The following ARHGEF4 variants were observed in gnomAD, a reference collection of about 807,000 sequenced individuals.
ARHGEF4 encodes Rho guanine nucleotide exchange factor 4, also known as APC-stimulated guanine nucleotide exchange factor 1.
Under a neutral mutation model 162.0 loss-of-function variants are expected in ARHGEF4, and 119 were observed. The observed-to-expected ratio is 0.73, with a 90% confidence interval of 0.63 to 0.86. ARHGEF4 has a LOEUF of 0.86. ARHGEF4 is among the 40% of genes least tolerant of loss of function. The probability of loss-of-function intolerance (pLI) is 0.00; values close to 1 mark genes in which losing one functional copy is unlikely to be tolerated. For missense variants in ARHGEF4, 2,488 were observed against 2,456.0 expected (o/e 1.01, Z -0.28); for synonymous variants, 1,014 against 979.9 (o/e 1.03, Z -0.65).
intron 3 of ARHGEF4, among the ~76,000 whole-genome samples, chr2:130,944,041 C>T (rs913437596): frequency 6.6e-6 from 1 of 152,162 alleles, no homozygotes; most frequent in Non-Finnish European, 1.5e-5. Flanking sequence ...ACCTTCATTC[C>T]TGAACATACT....
intron 4 of ARHGEF4, among the ~76,000 whole-genome samples, chr2:131,007,713 T>C (rs1221451476): frequency 6.6e-6 from 1 of 151,860 alleles, no homozygotes; most frequent in Non-Finnish European, 1.5e-5. Context: ...CTCTATATAC[T>C]GGTTTGTAAG....
At chr2:131,011,679 G>C (rs752477435) in intron 4 of ARHGEF4, 1 of 1,533,100 alleles carries the variant, frequency 6.5e-7, no homozygotes, top group African/African-American at 1.4e-5. Flanking sequence ...TGATGGGGGT[G>C]GGGTAGAGAG....
chr2:130,943,295 G>A (rs2105140719), intron 3 of ARHGEF4, among the ~76,000 whole-genome samples: 1 of 152,158 alleles, frequency 6.6e-6, no homozygotes, highest in East Asian at 1.9e-4. Flanking sequence ...TAGTACTTGT[G>A]TGGCATCGTT....
At chr2:131,022,336 C>A (rs577274520) in intron 4 of ARHGEF4, among the ~76,000 whole-genome samples, 1 of 152,052 alleles carries the variant, frequency 6.6e-6, no homozygotes, top group African/African-American at 2.4e-5. Flanking sequence ...ATTTCCCTAC[C>A]AATTATAGAT....
intron 4 of ARHGEF4, among the ~76,000 whole-genome samples, chr2:130,967,388 C>T (rs536898249): frequency 6.6e-6 from 1 of 152,338 alleles, no homozygotes; most frequent in Admixed American, 6.5e-5. Flanking sequence ...TGTGCTGCCA[C>T]ACTGCTGGTA....
chr2:130,960,793 A>T (rs904724359), intron 4 of ARHGEF4, among the ~76,000 whole-genome samples: 1 of 152,070 alleles, frequency 6.6e-6, no homozygotes, highest in Non-Finnish European at 1.5e-5. Context: ...GGTAAGTGTT[A>T]ATTTCAGCTG....
intron 1 of ARHGEF4, among the ~76,000 whole-genome samples, chr2:130,850,687 C>A (rs886964231): frequency 6.6e-6 from 1 of 152,238 alleles, no homozygotes; most frequent in Non-Finnish European, 1.5e-5. Flanking sequence ...TATCCCTACC[C>A]CATGTCCCTA....
At position 130,924,366 on chromosome 2, in the gene ARHGEF4, G is replaced by A. The variant is rs193176549; in HGVS notation, c.3553-6586G>A. 2.0e-3 allele frequency among the ~76,000 whole-genome samples: 287 copies of A among 145,768 alleles called. 3 individuals are homozygous for A. The highest frequency in any genetic ancestry group is 6.8e-3 in the African/African-American group (266 of 39,328). The stretch of plus-strand genomic sequence containing the variant: ...ACTGCAACTTCCGTCTCCCGGGTTC[G>A]AATTATTCTCCTGCCTCAGCCTCCC... On this transcript the variant is annotated intron_variant, in intron 2 of 13. Coordinates refer to ENST00000409359, the MANE Select transcript of ARHGEF4 (RefSeq NM_001367493.1).
At chr2:130,868,176 C>G (rs1488872993) in intron 1 of ARHGEF4, among the ~76,000 whole-genome samples, 1 of 151,978 alleles carries the variant, frequency 6.6e-6, no homozygotes, top group Non-Finnish European at 1.5e-5. Context: ...CCGCCCGCCC[C>G]GGCCTCCCAG....
intron 1 of ARHGEF4, among the ~76,000 whole-genome samples, chr2:130,857,171 G>T (rs556529719): frequency 2.1e-4 from 32 of 152,290 alleles, no homozygotes; most frequent in South Asian, 8.3e-4. Context: ...GGCGAAGCTT[G>T]CGGTGAGCCG....
intron 1 of ARHGEF4, among the ~76,000 whole-genome samples, chr2:130,878,207 A>G (rs1255304183): frequency 6.6e-6 from 1 of 152,130 alleles, no homozygotes; most frequent in East Asian, 1.9e-4. Flanking sequence ...TTTTTTTACA[A>G]CCCATTCAAA....
chr2:130,855,667 C>G (rs975628387), intron 1 of ARHGEF4, among the ~76,000 whole-genome samples: 14 of 152,168 alleles, frequency 9.2e-5, no homozygotes, highest in Non-Finnish European at 1.8e-4. Context: ...CCTAGGGCCT[C>G]AGGCAGACCA....
intron 1 of ARHGEF4, among the ~76,000 whole-genome samples, chr2:130,870,068 G>A (rs1394794348): frequency 1.3e-5 from 2 of 152,182 alleles, no homozygotes; most frequent in South Asian, 2.1e-4. Flanking sequence ...CAGTGTGAAC[G>A]TCTCCCTGCC....
intron 4 of ARHGEF4, 183 bp downstream of exon 4, chr2:130,946,818 A>G: frequency 1.3e-6 from 1 of 769,842 alleles, no homozygotes; most frequent in Non-Finnish European, 1.9e-6. Context: ...AAAGGGAATT[A>G]TTGGCTGGGC....
intron 1 of ARHGEF4, among the ~76,000 whole-genome samples, chr2:130,897,655 T>G (rs984018030): frequency 1.3e-5 from 2 of 152,228 alleles, no homozygotes; most frequent in African/African-American, 4.8e-5. Flanking sequence ...GGCATTTTAC[T>G]CCTGCTGTTT....
intron 2 of ARHGEF4, among the ~76,000 whole-genome samples, chr2:130,919,854 C>T (rs371808593): frequency 1.3e-5 from 2 of 150,244 alleles, no homozygotes; most frequent in African/African-American, 4.9e-5. Context: ...CCAACCTGGG[C>T]GACAGAGTGA....
rs533757893 is a variant in ARHGEF4 at position 131,021,102 on chromosome 2, G to A, written c.3986-6843G>A. ...TGGATATTAGCCCTTTGTCAGATAA[G>A]TAGGTTGCAAAAATGTTCTCCCATT... On this transcript the variant is annotated intron_variant, in intron 4 of 13. Coordinates refer to ENST00000409359, the MANE Select transcript of ARHGEF4 (RefSeq NM_001367493.1). 9.1e-4 allele frequency among the ~76,000 whole-genome samples: 138 copies of A among 152,234 alleles called. 1 individual carries two copies. The highest frequency in any genetic ancestry group is 8.8e-4 in the Non-Finnish European group (60 of 68,022).
rs574087565 is a variant in ARHGEF4 at position 130,993,611 on chromosome 2, A to G, written c.3986-34334A>G. On this transcript the variant is annotated intron_variant, in intron 4 of 13. Transcript: ENST00000409359. Reference sequence around the variant, plus strand: ...GAGGCTATCTTAATAGAAGCATACAAATTTAGATTTTGTTATCTTATGTAT... The same window carrying G: ...GAGGCTATCTTAATAGAAGCATACAGATTTAGATTTTGTTATCTTATGTAT... Among the ~76,000 whole-genome samples the G allele has an allele frequency of 2.0e-5, 3 of 152,178 alleles. No individual in the cohort carries two copies. The South Asian group carries it at 6.2e-4, about 32-fold the overall frequency.
intron 3 of ARHGEF4, among the ~76,000 whole-genome samples, chr2:130,942,976 T>G (rs1683400880): frequency 1.3e-5 from 2 of 152,238 alleles, no homozygotes; most frequent in South Asian, 4.1e-4. Flanking sequence ...ATGGTGTTGC[T>G]CACTTTGTCT....
Sources: allele counts gnomAD v4.1 joint callset (sites outside exome capture counted in the v4.1 genomes callset), GRCh38; gene constraint gnomAD v4.1.1; transcripts MANE v1.5; gene names NCBI Gene and HGNC (gene_info 2026-07-23, HGNC 2026-07-21).